AGBL4: variants seen among roughly 807,000 people sequenced by gnomAD.
AGBL4 encodes AGBL carboxypeptidase 4.
In AGBL4, 58 loss-of-function variants were observed where a neutral mutation model predicts 66.4. The observed-to-expected ratio is 0.87, with a 90% CI of 0.71 to 1.09. The LOEUF is 1.09. Among genes scored for constraint, AGBL4 ranks in the 50% least tolerant of loss-of-function variants. The pLI is 0.00. For missense variants in AGBL4, 579 were observed against 631.0 expected (o/e 0.92, Z 0.88); for synonymous variants, 234 against 222.9 (o/e 1.05, Z -0.44).
intron 2 of AGBL4, among the ~76,000 whole-genome samples, chr1:49,800,074 T>C (rs1644822443): frequency 6.6e-6 from 1 of 152,194 alleles, no homozygotes; most frequent in African/African-American, 2.4e-5. Flanking sequence ...TTTAATTTTC[T>C]ACTGTCTGCT....
chr1:49,961,719 C>T (rs369833626), intron 1 of AGBL4, among the ~76,000 whole-genome samples: 15 of 152,020 alleles, frequency 9.9e-5, no homozygotes, highest in East Asian at 9.6e-4. Context: ...ATCACAGTTG[C>T]TTCAACAATG....
chr1:49,479,506 T>C (rs1403696486), intron 3 of AGBL4, among the ~76,000 whole-genome samples: 1 of 151,816 alleles, frequency 6.6e-6, no homozygotes, highest in Non-Finnish European at 1.5e-5. Context: ...CCTCTATGTG[T>C]CTGTGTGTTA....
intron 6 of AGBL4, among the ~76,000 whole-genome samples, chr1:48,844,055 C>T (rs1375903517): frequency 2.6e-5 from 4 of 152,208 alleles, no homozygotes; most frequent in Admixed American, 1.3e-4. Flanking sequence ...CAGTATTAGT[C>T]TCCTTCTGCC....
chr1:49,906,720 A>T (rs1295959715), intron 1 of AGBL4, among the ~76,000 whole-genome samples: 13 of 152,056 alleles, frequency 8.5e-5, no homozygotes, highest in Admixed American at 7.9e-4. Context: ...GTGTGTGTGT[A>T]AACTGCATAT....
chr1:48,525,389 T>C, the AGBL4 span, among the ~76,000 whole-genome samples: 34,841 of 151,834 alleles, frequency 0.23, 4,101 homozygotes, highest in Middle Eastern at 0.29. Flanking sequence ...AATGGGGAGG[T>C]GCCTAGCAAA....
chr1:49,525,582 GA>G (rs932188070), intron 3 of AGBL4, among the ~76,000 whole-genome samples: 1 of 152,018 alleles, frequency 6.6e-6, no homozygotes, highest in African/African-American at 2.4e-5. Context: ...AAATAAAGAG[GA>G]GGGGGCAACA....
At chr1:48,911,130 C>T (rs1653056627) in intron 5 of AGBL4, among the ~76,000 whole-genome samples, 1 of 152,184 alleles carries the variant, frequency 6.6e-6, no homozygotes, top group Non-Finnish European at 1.5e-5. Flanking sequence ...TCTGAAAATT[C>T]TATTCTCCCA....
chr1:49,113,542 T>A (rs1006359478), intron 4 of AGBL4, among the ~76,000 whole-genome samples: 2 of 152,182 alleles, frequency 1.3e-5, no homozygotes, highest in Non-Finnish European at 2.9e-5. Flanking sequence ...CATGAGCCAC[T>A]GCGCCCAGAC....
intron 1 of AGBL4, among the ~76,000 whole-genome samples, chr1:49,920,421 G>A (rs1398335439): frequency 6.6e-6 from 1 of 152,174 alleles, no homozygotes; most frequent in African/African-American, 2.4e-5. Flanking sequence ...CCATCAAAAA[G>A]TGGGCAAAGG....
At chr1:48,860,581 A>G (rs1558046297) in intron 6 of AGBL4, among the ~76,000 whole-genome samples, 1 of 152,310 alleles carries the variant, frequency 6.6e-6, no homozygotes, top group East Asian at 1.9e-4. Context: ...GAGCCTAGAA[A>G]AAAAGGCTGC....
intron 3 of AGBL4, among the ~76,000 whole-genome samples, chr1:49,557,529 G>C (rs1643933953): frequency 6.6e-6 from 1 of 152,104 alleles, no homozygotes; most frequent in Non-Finnish European, 1.5e-5. Context: ...TCTTAGAGCA[G>C]AAAGGAAAAC....
chr1:49,912,528 T>G (rs1650958839), intron 1 of AGBL4, among the ~76,000 whole-genome samples: 1 of 152,232 alleles, frequency 6.6e-6, no homozygotes, highest in Non-Finnish European at 1.5e-5. Flanking sequence ...ATGAGCTACA[T>G]ATTCCCATTT....
At chr1:49,697,723 T>G (rs1181686032) in intron 2 of AGBL4, among the ~76,000 whole-genome samples, 1 of 152,130 alleles carries the variant, frequency 6.6e-6, no homozygotes, top group Admixed American at 6.6e-5. Context: ...ATAAAGCCTG[T>G]GGTAAGCCCC....
chr1:49,255,806 A>G (rs1652438384), intron 3 of AGBL4, among the ~76,000 whole-genome samples: 1 of 152,232 alleles, frequency 6.6e-6, no homozygotes. Flanking sequence ...TTTGATACAC[A>G]TATACCATGG....
intron 2 of AGBL4, among the ~76,000 whole-genome samples, chr1:49,762,097 A>C (rs76516220): frequency 0.053 from 8,101 of 152,254 alleles, 243 homozygotes; most frequent in African/African-American, 0.071. Context: ...TGAACCCAGT[A>C]GTGGGATTCC....
rs540141572 is a variant in AGBL4 at position 49,495,333 on chromosome 1, C to T, written c.282+201980G>A. 3.9e-5 allele frequency among the ~76,000 whole-genome samples: 6 copies of T among 152,106 alleles called. No homozygotes were observed. In the South Asian group the frequency reaches 1.0e-3, roughly 26 times the overall value. On this transcript the variant is annotated intron_variant, in intron 3 of 13. Coordinates refer to ENST00000371839, the MANE Select transcript of AGBL4 (RefSeq NM_032785.4). Reference sequence around the variant, plus strand: ...ATGTGGCCCAATACAAATTTGTAAACTTTCTTAAAACATTATGAGTTTTTT... The same window carrying T: ...ATGTGGCCCAATACAAATTTGTAAATTTTCTTAAAACATTATGAGTTTTTT...
At chr1:49,948,580 T>A (rs12142627) in intron 1 of AGBL4, among the ~76,000 whole-genome samples, 1 of 126,870 alleles carries the variant, frequency 7.9e-6, no homozygotes, top group Non-Finnish European at 1.6e-5. Context: ...TATATATATA[T>A]ATAGAGAGAG....
chr1:49,739,766 G>T lies in AGBL4; in HGVS notation c.158-42329C>A, dbSNP rs568056818. Among the ~76,000 whole-genome samples the T allele has an allele frequency of 1.4e-4, 22 of 152,288 alleles. No homozygotes were observed. In the South Asian group the frequency reaches 3.1e-3, roughly 22 times the overall value. ...CAATATTCAACATTCTTAAAGAAAA[G>T]AATTTTCAACCCAGAATTTCATAAC... is the stretch of plus-strand genomic sequence containing the variant. On this transcript the variant is annotated intron_variant, in intron 2 of 13. Coordinates refer to ENST00000371839, the MANE Select transcript of AGBL4 (RefSeq NM_032785.4).
intron 3 of AGBL4, among the ~76,000 whole-genome samples, chr1:49,521,108 C>T (rs1650228027): frequency 6.6e-6 from 1 of 152,106 alleles, no homozygotes; most frequent in South Asian, 2.1e-4. Context: ...TATGCCTCAC[C>T]CATTCACTTT....
Sources: gnomAD v4.1 joint callset for allele counts (sites outside exome capture counted in the v4.1 genomes callset) on GRCh38, gnomAD v4.1.1 for gene constraint, MANE v1.5 for transcripts, NCBI Gene and HGNC (gene_info 2026-07-23, HGNC 2026-07-21) for gene names.